COL11A1: variants seen among roughly 807,000 people sequenced by gnomAD.
COL11A1 encodes collagen type XI alpha 1 chain.
COL11A1 carries 74 observed loss-of-function variants against 265.2 expected under a neutral mutation model. The ratio of observed to expected loss-of-function variants is 0.28; its 90% CI spans 0.23 to 0.34. COL11A1 has a LOEUF of 0.34. Ranked by LOEUF, COL11A1 falls within the 10% of genes least tolerant of loss-of-function variation. The pLI, the probability that COL11A1 is intolerant of heterozygous loss-of-function variation, is 1.00. For synonymous variants in COL11A1, 816 were observed against 727.6 expected, an observed-to-expected ratio of 1.12 and a Z score of -1.96; for missense variants, 2,165 against 2,263.6, an observed-to-expected ratio of 0.96 and a Z score of 0.88.
Position 103,043,206 on chromosome 1 carries a change from ATATAT to A in COL11A1, c.652-11967_652-11963del, listed in dbSNP as rs1367562913. On this transcript the variant is annotated intron_variant, in intron 4 of 66. Coordinates refer to ENST00000370096, the MANE Select transcript of COL11A1 (RefSeq NM_001854.4). ...ATAATGTATATATGAAATACATCAT[ATATAT>A]GAAATATATATATAATGTATATATG... Among the ~76,000 whole-genome samples the A allele has an allele frequency of 5.0e-3, 632 of 126,894 alleles. 10 individuals carry two copies. Among genetic ancestry groups the A allele is most frequent in the African/African-American group, 0.017 (597 of 34,280 alleles). The allele number at this position is 126,894 out of a possible 152,430, so 83.2% of individuals were successfully genotyped here. A position where few individuals can be genotyped will look rare whatever the true frequency, so the allele number is the denominator to read the frequency against.
chr1:103,025,995 C>T (rs370673436), intron 6 of COL11A1: 25 of 1,580,224 alleles, frequency 1.6e-5, no homozygotes, highest in Admixed American at 3.3e-5. Flanking sequence ...CATAAATAAA[C>T]GAGGAGGGAA....
chr1:103,007,981 AT>A (rs200370040), intron 15 of COL11A1, among the ~76,000 whole-genome samples: 5 of 151,718 alleles, frequency 3.3e-5, no homozygotes, highest in South Asian at 2.1e-4. Context: ...AACAGTACAA[AT>A]TTTTTTTTAG....
chr1:102,934,473 T>C lies in COL11A1; in HGVS notation c.3576A>G (p.Gly1192=). ...KGDEGARGFP[G]PPGPIGLQGL... is the part of the protein sequence containing the mutation. ...CCTGAAGACCTATTGGACCAGGAGG[T>C]CCAGGGAAGCCTCTGGCACCCTCAT... Residue 1192 remains glycine, a synonymous_variant, in exon 46 of 67, where the codon GGA becomes GGG. Coordinates refer to ENST00000370096, the MANE Select transcript of COL11A1 (RefSeq NM_001854.4). 6.2e-7 allele frequency: 1 copy of C among 1,613,790 alleles called. No homozygotes were observed. Among genetic ancestry groups the C allele is most frequent in the Non-Finnish European group, 8.5e-7 (1 of 1,179,756 alleles).
At chr1:102,991,836 T>A (rs1448449896) in intron 28 of COL11A1, among the ~76,000 whole-genome samples, 1 of 8,362 alleles carries the variant, frequency 1.2e-4, no homozygotes, top group African/African-American at 1.4e-4. Context: ...TGCCAGGAAT[T>A]TTTTTTTTTT....
intron 7 of COL11A1, among the ~76,000 whole-genome samples, chr1:103,023,650 C>A (rs1010166798): frequency 3.9e-5 from 6 of 152,224 alleles, no homozygotes; most frequent in African/African-American, 1.4e-4. Context: ...AGCCTCCACA[C>A]CCTGGCAGCT....
At chr1:103,030,979 C>A in intron 5 of COL11A1, 137 bp downstream of exon 5, 2 of 1,113,412 alleles carry the variant, frequency 1.8e-6, no homozygotes, top group East Asian at 5.3e-5. Flanking sequence ...TCACTTTTTC[C>A]TGGAAATATT....
chr1:102,963,348 G>A (rs571276726), intron 38 of COL11A1, among the ~76,000 whole-genome samples: 5 of 152,192 alleles, frequency 3.3e-5, no homozygotes, highest in East Asian at 1.9e-4. Context: ...AGTTCCTCTC[G>A]GCCAAAGGCT....
At chr1:103,067,443 C>A (rs1435066815) in intron 4 of COL11A1, among the ~76,000 whole-genome samples, 2 of 151,678 alleles carry the variant, frequency 1.3e-5, no homozygotes, top group African/African-American at 2.4e-5. Context: ...AAATAACCAT[C>A]AAAAATGACA....
intron 46 of COL11A1, among the ~76,000 whole-genome samples, chr1:102,934,067 G>T (rs994984187): frequency 2.0e-5 from 3 of 152,148 alleles, no homozygotes; most frequent in Non-Finnish European, 4.4e-5. Flanking sequence ...GCTCACGCTG[G>T]GAGCTGTAGA....
At chr1:103,031,922 T>G (rs1436343574) in intron 4 of COL11A1, among the ~76,000 whole-genome samples, 1 of 151,996 alleles carries the variant, frequency 6.6e-6, no homozygotes, top group Non-Finnish European at 1.5e-5. Flanking sequence ...TTCAATAAAA[T>G]CAAAACATTA....
intron 46 of COL11A1, among the ~76,000 whole-genome samples, chr1:102,924,350 A>G (rs1408506041): frequency 6.6e-6 from 1 of 152,242 alleles, no homozygotes; most frequent in East Asian, 1.9e-4. Context: ...TCATCTGTCT[A>G]TGTCTTCACC....
Position 103,022,619 on chromosome 1 carries a change from A to C in COL11A1, c.1245+123T>G, listed in dbSNP as rs530462201. ...ACAAGGTGTCCTAGTGGTAATAGGC[A>C]TTCATAATTTACATAAAAATTCAAC... is the stretch of plus-strand genomic sequence containing the variant. On this transcript the variant is annotated intron_variant, in intron 8 of 66. Transcript: ENST00000370096. The C allele has an allele frequency of 1.6e-5, 18 of 1,133,694 alleles. No individual in the cohort carries two copies. In the South Asian group the frequency reaches 2.4e-4, roughly 15 times the overall value. 70.2% of individuals were successfully genotyped at this position (1,133,694 alleles called of 1,614,324 possible).
chr1:103,021,017 G>A (rs983734975), intron 9 of COL11A1, among the ~76,000 whole-genome samples: 1 of 143,616 alleles, frequency 7.0e-6, no homozygotes, highest in African/African-American at 2.5e-5. Flanking sequence ...TTCTTTCTCT[G>A]TTTTTTTTTG....
At chr1:102,964,403 T>C (rs192731973) in intron 38 of COL11A1, among the ~76,000 whole-genome samples, 6 of 152,274 alleles carry the variant, frequency 3.9e-5, no homozygotes, top group Non-Finnish European at 5.9e-5. Context: ...TGATAAGCAG[T>C]TAAAAAGAAG....
intron 4 of COL11A1, among the ~76,000 whole-genome samples, chr1:103,055,217 C>A (rs1670149855): frequency 6.6e-6 from 1 of 152,098 alleles, no homozygotes; most frequent in African/African-American, 2.4e-5. Flanking sequence ...TTATTATAAT[C>A]TTTTTCATTC....
intron 5 of COL11A1, 97 bp from the exon 6 acceptor site, chr1:103,026,429 TAA>T: frequency 4.9e-6 from 4 of 808,886 alleles, no homozygotes; most frequent in Non-Finnish European, 6.6e-6. Context: ...GTGTAAATGT[TAA>T]GAGATAAGAA....
rs768876984 is a variant in COL11A1 at position 103,005,812 on chromosome 1, GA to G, written c.1845+25del. The G allele has an allele frequency of 6.2e-6, 10 of 1,611,636 alleles. No individual in the cohort carries two copies. The African/African-American group carries it at 8.0e-5, about 13-fold the overall frequency. Reference sequence around the variant, plus strand: ...CTAAAATATTTTATAACATTCCCTGGAAAAAAAGGAATAGATGTATCTTACC... The same window carrying G: ...CTAAAATATTTTATAACATTCCCTGGAAAAAAGGAATAGATGTATCTTACC... On this transcript the variant is annotated intron_variant, in intron 18 of 66. Coordinates refer to ENST00000370096, the MANE Select transcript of COL11A1 (RefSeq NM_001854.4).
intron 57 of COL11A1, among the ~76,000 whole-genome samples, chr1:102,894,935 C>T (rs1231318200): frequency 6.6e-6 from 1 of 152,098 alleles, no homozygotes; most frequent in Non-Finnish European, 1.5e-5. Context: ...GCCACCATGC[C>T]CAACCCTTAT....
chr1:102,975,401 A>G (rs1362141638), intron 35 of COL11A1, among the ~76,000 whole-genome samples: 2 of 152,138 alleles, frequency 1.3e-5, no homozygotes, highest in South Asian at 2.1e-4. Context: ...TTTATTCTCC[A>G]TATCTAAAAT....
Sources: allele counts gnomAD v4.1 joint callset (sites outside exome capture counted in the v4.1 genomes callset), GRCh38; gene constraint gnomAD v4.1.1; transcripts MANE v1.5; gene names NCBI Gene and HGNC (gene_info 2026-07-23, HGNC 2026-07-21).